Variants in AUTS2 observed in about 807,000 individuals in gnomAD.
AUTS2 encodes the protein autism susceptibility gene 2 protein.
AUTS2 carries 17 observed loss-of-function variants against 112.4 expected under a neutral mutation model. The observed-to-expected ratio is 0.15, with a 90% CI of 0.10 to 0.23. The LOEUF (loss-of-function observed/expected upper bound fraction) is 0.23, where lower values mean the gene tolerates loss of function less well. Ranked by LOEUF, AUTS2 falls within the 10% of genes least tolerant of loss-of-function variation. The probability of loss-of-function intolerance (pLI) is 1.00; values close to 1 mark genes in which losing one functional copy is unlikely to be tolerated. For synonymous variants in AUTS2, 751 were observed against 702.7 expected (o/e 1.07, Z -1.09); for missense variants, 1,510 against 1,701.6 (o/e 0.89, Z 1.98).
chr7:70,089,334 A>C (rs1467115041), intron 2 of AUTS2, among the ~76,000 whole-genome samples: 2 of 152,020 alleles, frequency 1.3e-5, no homozygotes, highest in Non-Finnish European at 2.9e-5. Flanking sequence ...AGGACATTTA[A>C]GATTGTTGTA....
At position 69,698,885 on chromosome 7, in the gene AUTS2, A is replaced by G. The variant is rs557491643; in HGVS notation, c.309+98923A>G. Among the ~76,000 whole-genome samples, 69 of 152,312 alleles carry G rather than the reference A, an allele frequency of 4.5e-4. 1 individual carries two copies. The highest frequency in any genetic ancestry group is 1.5e-3 in the African/African-American group (61 of 41,568). On this transcript the variant is annotated intron_variant, in intron 1 of 18. Transcript: ENST00000342771. ...AGATAAGGGGTGGGTATGTATGGGA[A>G]GGAAACAGTAGCACAGATCATCTAA...
intron 5 of AUTS2, among the ~76,000 whole-genome samples, chr7:70,570,094 C>T (rs1283368477): frequency 3.3e-5 from 5 of 152,160 alleles, no homozygotes; most frequent in African/African-American, 1.2e-4. Context: ...CAGAACGTGT[C>T]TGGAAATCTT....
At chr7:70,051,382 A>G (rs1450572868) in intron 2 of AUTS2, among the ~76,000 whole-genome samples, 1 of 152,174 alleles carries the variant, frequency 6.6e-6, no homozygotes, top group Non-Finnish European at 1.5e-5. Flanking sequence ...AAAGCAAATA[A>G]TGGTCAAAAT....
At chr7:70,132,876 T>A (rs1279253802) in intron 3 of AUTS2, among the ~76,000 whole-genome samples, 1 of 152,150 alleles carries the variant, frequency 6.6e-6, no homozygotes, top group Non-Finnish European at 1.5e-5. Context: ...TCTGAGTAAT[T>A]CATCCTAAAA....
intron 6 of AUTS2, among the ~76,000 whole-genome samples, chr7:70,705,147 T>C (rs1378049796): frequency 6.6e-6 from 1 of 152,206 alleles, no homozygotes; most frequent in African/African-American, 2.4e-5. Context: ...AACTCTATTG[T>C]TTTGCGGCTT....
chr7:70,329,547 G>GT (rs1790650027), intron 4 of AUTS2, among the ~76,000 whole-genome samples: 1 of 150,988 alleles, frequency 6.6e-6, no homozygotes, highest in South Asian at 2.1e-4. Flanking sequence ...ATCTTTTCAT[G>GT]TTTTTTGGCC....
intron 4 of AUTS2, among the ~76,000 whole-genome samples, chr7:70,277,926 T>TTGTG (rs35535865): frequency 0.031 from 4,034 of 129,056 alleles, 115 homozygotes; most frequent in African/African-American, 0.084. Context: ...CCTTGTGTAT[T>TTGTG]TGTGTGTGTG....
At chr7:69,709,531 A>G (rs1227387674) in intron 1 of AUTS2, among the ~76,000 whole-genome samples, 1 of 152,110 alleles carries the variant, frequency 6.6e-6, no homozygotes, top group African/African-American at 2.4e-5. Context: ...ATACGTTTTA[A>G]CCCATAAGAG....
At chr7:70,489,852 A>AATGAG (rs1798166498) in intron 5 of AUTS2, among the ~76,000 whole-genome samples, 1 of 152,182 alleles carries the variant, frequency 6.6e-6, no homozygotes, top group East Asian at 1.9e-4. Flanking sequence ...AATCAACAAC[A>AATGAG]ATGAGATACC....
chr7:70,611,785 T>C (rs961428768), intron 5 of AUTS2, among the ~76,000 whole-genome samples: 3 of 152,244 alleles, frequency 2.0e-5, no homozygotes, highest in African/African-American at 4.8e-5. Context: ...AGAATGTACT[T>C]ATACTCACAT....
chr7:69,974,470 C>A (rs1050487569), intron 2 of AUTS2, among the ~76,000 whole-genome samples: 3 of 151,682 alleles, frequency 2.0e-5, no homozygotes, highest in Non-Finnish European at 4.4e-5. Flanking sequence ...GCTAGAAAAC[C>A]AGGAAAGCTG....
At chr7:69,883,329 C>T (rs1794139140) in intron 1 of AUTS2, among the ~76,000 whole-genome samples, 1 of 150,682 alleles carries the variant, frequency 6.6e-6, no homozygotes, top group Admixed American at 6.6e-5. Context: ...TTCTTATTCC[C>T]AAAGAACTGA....
chr7:70,193,448 A>AC (rs1810008751), intron 4 of AUTS2, among the ~76,000 whole-genome samples: 1 of 152,134 alleles, frequency 6.6e-6, no homozygotes, highest in Non-Finnish European at 1.5e-5. Context: ...ATTAAAAGAG[A>AC]CCCCTGCCTT....
chr7:70,183,088 A>G (rs1809405609), intron 4 of AUTS2, among the ~76,000 whole-genome samples: 2 of 152,218 alleles, frequency 1.3e-5, no homozygotes, highest in Non-Finnish European at 2.9e-5. Context: ...CTTCATGCTA[A>G]TGGAGTGCGA....
chr7:70,278,968 A>G (rs1178184954), intron 4 of AUTS2, among the ~76,000 whole-genome samples: 1 of 152,230 alleles, frequency 6.6e-6, no homozygotes, highest in East Asian at 1.9e-4. Flanking sequence ...TTTGGCCTCC[A>G]GTAGTTTAGA....
At chr7:69,712,048 A>T (rs1026043768) in intron 1 of AUTS2, among the ~76,000 whole-genome samples, 1 of 152,140 alleles carries the variant, frequency 6.6e-6, no homozygotes, top group African/African-American at 2.4e-5. Context: ...TTAGGCATCA[A>T]TTCAGTATAA....
intron 1 of AUTS2, among the ~76,000 whole-genome samples, chr7:69,785,872 C>A (rs1308436074): frequency 6.6e-6 from 1 of 152,076 alleles, no homozygotes; most frequent in Non-Finnish European, 1.5e-5. Flanking sequence ...CTCTTGTTGC[C>A]CAGGCTGGAG....
intron 4 of AUTS2, among the ~76,000 whole-genome samples, chr7:70,258,361 T>C (rs1249756725): frequency 2.6e-5 from 4 of 152,212 alleles, no homozygotes; most frequent in Admixed American, 2.6e-4. Context: ...AAGAGCTTCA[T>C]TTTCACGCAA....
chr7:69,988,274 G>C (rs575738646), intron 2 of AUTS2, among the ~76,000 whole-genome samples: 43 of 152,218 alleles, frequency 2.8e-4, no homozygotes, highest in African/African-American at 1.0e-3. Flanking sequence ...TATTGTTCTA[G>C]CCTTCCCTTT....
Sources: gnomAD v4.1 joint callset for allele counts (sites outside exome capture counted in the v4.1 genomes callset) on GRCh38, gnomAD v4.1.1 for gene constraint, MANE v1.5 for transcripts, NCBI Gene and HGNC (gene_info 2026-07-23, HGNC 2026-07-21) for gene names.